Variants in DNER observed in about 807,000 individuals in gnomAD.
The protein encoded by DNER is delta and Notch-like epidermal growth factor-related receptor.
Under a neutral mutation model 78.2 loss-of-function variants are expected in DNER, and 33 were observed. That is an observed-to-expected ratio of 0.42 (90% CI 0.32 to 0.56). DNER has a LOEUF of 0.56. Ranked by LOEUF, DNER falls within the 20% of genes least tolerant of loss-of-function variation. The pLI is 0.11. For missense variants in DNER, 918 were observed against 975.3 expected (o/e 0.94, Z 0.78); for synonymous variants, 417 against 384.8 (o/e 1.08, Z -0.98).
chr2:229,439,622 G>A (rs531544258), intron 8 of DNER, among the ~76,000 whole-genome samples: 42 of 152,284 alleles, frequency 2.8e-4, no homozygotes, highest in African/African-American at 9.6e-4. Flanking sequence ...TCTCAACAGT[G>A]AAAGAAAACA....
At chr2:229,476,267 AC>A (rs1318641915) in intron 7 of DNER, among the ~76,000 whole-genome samples, 3 of 152,174 alleles carry the variant, frequency 2.0e-5, no homozygotes, top group Non-Finnish European at 4.4e-5. Flanking sequence ...ACTGCCGATC[AC>A]ATGGGCAGCT....
intron 12 of DNER, among the ~76,000 whole-genome samples, chr2:229,365,844 T>G (rs758591463): frequency 4.6e-5 from 7 of 152,232 alleles, no homozygotes; most frequent in Non-Finnish European, 1.0e-4. Context: ...CAGCCCACTT[T>G]TCACTACAGC....
chr2:229,462,937 C>T (rs1694733051), intron 7 of DNER, among the ~76,000 whole-genome samples: 1 of 152,134 alleles, frequency 6.6e-6, no homozygotes, highest in South Asian at 2.1e-4. Context: ...GTTGACTCCT[C>T]CTTATGTCTT....
chr2:229,570,624 C>CA (rs11432946), intron 4 of DNER, among the ~76,000 whole-genome samples: 137,034 of 140,608 alleles, frequency 0.97, 66,815 homozygotes, highest in East Asian at 1. Flanking sequence ...AACTCCATCT[C>CA]AAAAAAAAAA....
At chr2:229,702,729 A>G (rs1699766306) in intron 1 of DNER, among the ~76,000 whole-genome samples, 1 of 151,312 alleles carries the variant, frequency 6.6e-6, no homozygotes, top group Non-Finnish European at 1.5e-5. Flanking sequence ...CACCCTGGCT[A>G]ACACGGTGAA....
chr2:229,575,323 G>T (rs977449818), intron 4 of DNER, among the ~76,000 whole-genome samples: 1 of 152,134 alleles, frequency 6.6e-6, no homozygotes, highest in African/African-American at 2.4e-5. Context: ...ATCTGCAACT[G>T]CTCTGTTCTA....
At chr2:229,387,863 CTGTGTGTGTGTG>C (rs34029070) in intron 11 of DNER, among the ~76,000 whole-genome samples, 4,307 of 120,640 alleles carry the variant, frequency 0.036, 203 homozygotes, top group African/African-American at 0.12. Flanking sequence ...AATTTGCATT[CTGTGTGTGTGTG>C]TGTGTGTGTG....
chr2:229,381,743 G>A (rs1692741687), intron 11 of DNER, among the ~76,000 whole-genome samples: 1 of 152,186 alleles, frequency 6.6e-6, no homozygotes, highest in Admixed American at 6.5e-5. Flanking sequence ...TCCTCTCTGT[G>A]CAGGGCATTT....
rs879561406 is a variant in DNER at position 229,605,993 on chromosome 2, T to C, written c.277-14105A>G. On this transcript the variant is annotated intron_variant, in intron 1 of 12. Coordinates refer to ENST00000341772, the MANE Select transcript of DNER (RefSeq NM_139072.4). ...TGGAAAATTTCACCATTCAAGATTT[T>C]AATTGAACTGATGGCCAGGCCCTTC... Among the ~76,000 whole-genome samples the C allele has an allele frequency of 1.4e-4, 21 of 152,296 alleles. No homozygotes were observed. The East Asian group carries it at 2.7e-3, about 20-fold the overall frequency.
chr2:229,549,321 T>G (rs1311346840), intron 4 of DNER, among the ~76,000 whole-genome samples: 2 of 152,188 alleles, frequency 1.3e-5, no homozygotes, highest in Non-Finnish European at 2.9e-5. Flanking sequence ...TTTATTTTAT[T>G]TTTAGACGGA....
At chr2:229,543,236 C>CT (rs1696552997) in intron 5 of DNER, among the ~76,000 whole-genome samples, 1 of 152,184 alleles carries the variant, frequency 6.6e-6, no homozygotes, top group Non-Finnish European at 1.5e-5. Flanking sequence ...TCTGCTAAAA[C>CT]TGATTTGGAT....
intron 6 of DNER, among the ~76,000 whole-genome samples, chr2:229,486,160 G>T (rs74681536): frequency 6.6e-6 from 1 of 152,094 alleles, no homozygotes; most frequent in Non-Finnish European, 1.5e-5. Flanking sequence ...CCATCAAGAC[G>T]TTCAGTCTCA....
chr2:229,535,935 C>T (rs182194065), intron 5 of DNER, among the ~76,000 whole-genome samples: 11 of 152,274 alleles, frequency 7.2e-5, no homozygotes, highest in Admixed American at 2.6e-4. Flanking sequence ...TGAGCCACCA[C>T]GCCTGGCCCA....
At chr2:229,683,517 C>T (rs892918557) in intron 1 of DNER, among the ~76,000 whole-genome samples, 1 of 151,936 alleles carries the variant, frequency 6.6e-6, no homozygotes, top group Non-Finnish European at 1.5e-5. Flanking sequence ...AATCAAAGCA[C>T]ATTTTCCTGA....
intron 3 of DNER, among the ~76,000 whole-genome samples, chr2:229,586,542 AAAAAAAAAC>A (rs1308376015): frequency 1.0e-5 from 1 of 95,336 alleles, no homozygotes; most frequent in African/African-American, 5.7e-5. Flanking sequence ...AAAAAAAAAA[AAAAAAAAAC>A]ACACAAAACC....
intron 7 of DNER, among the ~76,000 whole-genome samples, chr2:229,468,138 C>T (rs377153167): frequency 2.8e-4 from 42 of 152,372 alleles, no homozygotes; most frequent in African/African-American, 8.9e-4. Flanking sequence ...CACCTTGCTT[C>T]TAACCTTTAA....
chr2:229,421,711 TA>T (rs1211131285), intron 8 of DNER, among the ~76,000 whole-genome samples: 1 of 151,788 alleles, frequency 6.6e-6, no homozygotes, highest in Non-Finnish European at 1.5e-5. Context: ...CATGTATATG[TA>T]AAGAGTTAAG....
intron 10 of DNER, among the ~76,000 whole-genome samples, chr2:229,394,696 G>A (rs890698104): frequency 6.6e-6 from 1 of 152,200 alleles, no homozygotes; most frequent in African/African-American, 2.4e-5. Context: ...GAAGGATGGC[G>A]AGCAGCCACT....
chr2:229,634,752 T>G (rs756954073), intron 1 of DNER, among the ~76,000 whole-genome samples: 1 of 152,132 alleles, frequency 6.6e-6, no homozygotes, highest in East Asian at 1.9e-4. Flanking sequence ...AAGGAGTCTG[T>G]CATCACCATG....
Sources: allele counts gnomAD v4.1 joint callset (sites outside exome capture counted in the v4.1 genomes callset), GRCh38; gene constraint gnomAD v4.1.1; transcripts MANE v1.5; gene names NCBI Gene and HGNC (gene_info 2026-07-23, HGNC 2026-07-21).